REDIC1: variants seen among roughly 807,000 people sequenced by gnomAD.
REDIC1 encodes regulator of DNA class I crossover intermediates 1.
the REDIC1 span, chr12:39,764,384 C>T: frequency 1.6e-6 from 2 of 1,280,212 alleles, no homozygotes; most frequent in South Asian, 1.7e-5. Flanking sequence ...GTCTCAATCA[C>T]AAATGATATT....
the REDIC1 span, chr12:39,626,450 G>C: frequency 1.3e-6 from 2 of 1,531,210 alleles, no homozygotes; most frequent in Non-Finnish European, 1.8e-6. Flanking sequence ...GCCTTAGCTG[G>C]AAAGAACTTG....
At chr12:39,638,348 A>G in the REDIC1 span, among the ~76,000 whole-genome samples, 1 of 151,942 alleles carries the variant, frequency 6.6e-6, no homozygotes, top group Non-Finnish European at 1.5e-5. Context: ...AGGAGTGGAA[A>G]TGGTATAGTC....
chr12:39,905,822 G>GA, the REDIC1 span, among the ~76,000 whole-genome samples: 106 of 145,422 alleles, frequency 7.3e-4, 2 homozygotes, highest in African/African-American at 2.3e-3. Flanking sequence ...AAAATGCCCA[G>GA]AAAAAAAAAA....
chr12:39,764,424 A>C, the REDIC1 span: 1 of 1,497,770 alleles, frequency 6.7e-7, no homozygotes, highest in East Asian at 2.3e-5. Context: ...TGATAAAAAT[A>C]AAAACAAAAC....
At chr12:39,748,157 G>T in the REDIC1 span, among the ~76,000 whole-genome samples, 1 of 152,132 alleles carries the variant, frequency 6.6e-6, no homozygotes, top group Non-Finnish European at 1.5e-5. Context: ...AGACCCATCA[G>T]TGTGCTGTAT....
At chr12:39,764,124 T>C in the REDIC1 span, among the ~76,000 whole-genome samples, 1 of 152,068 alleles carries the variant, frequency 6.6e-6, no homozygotes, top group Non-Finnish European at 1.5e-5. Flanking sequence ...TTTACCATTT[T>C]CTGTTTTTTT....
At chr12:39,814,848 TA>T in the REDIC1 span, among the ~76,000 whole-genome samples, 5 of 152,094 alleles carry the variant, frequency 3.3e-5, no homozygotes, top group Non-Finnish European at 7.4e-5. Context: ...CAATTATGCA[TA>T]TTTCACAATA....
the REDIC1 span, among the ~76,000 whole-genome samples, chr12:39,869,700 C>T: frequency 6.6e-6 from 1 of 151,658 alleles, no homozygotes; most frequent in Non-Finnish European, 1.5e-5. Context: ...TCTGGAAATC[C>T]TTGGGCAGAA....
the REDIC1 span, among the ~76,000 whole-genome samples, chr12:39,774,795 A>G: frequency 6.6e-6 from 1 of 152,232 alleles, no homozygotes; most frequent in African/African-American, 2.4e-5. Context: ...TTATTTATCT[A>G]TAAATCATTG....
At chr12:39,649,745 C>G in the REDIC1 span, among the ~76,000 whole-genome samples, 1 of 151,882 alleles carries the variant, frequency 6.6e-6, no homozygotes, top group African/African-American at 2.4e-5. Context: ...TCCACATTAA[C>G]AAATTGATTA....
the REDIC1 span, among the ~76,000 whole-genome samples, chr12:39,886,590 G>T: frequency 6.6e-6 from 1 of 151,844 alleles, no homozygotes; most frequent in African/African-American, 2.4e-5. Flanking sequence ...GAATTAGGGA[G>T]ATATTTCTGA....
At chr12:39,773,826 C>T in the REDIC1 span, among the ~76,000 whole-genome samples, 189 of 152,280 alleles carry the variant, frequency 1.2e-3, 3 homozygotes, top group Middle Eastern at 6.8e-3. Flanking sequence ...TAGTTCCCTT[C>T]CCAAAGAGTT....
chr12:39,712,800 T>C, the REDIC1 span, among the ~76,000 whole-genome samples: 12 of 80,660 alleles, frequency 1.5e-4, no homozygotes, highest in South Asian at 1.1e-3. Context: ...TATGTATATA[T>C]GTGTATACTC....
the REDIC1 span, among the ~76,000 whole-genome samples, chr12:39,903,695 A>C: frequency 1.3e-5 from 2 of 152,090 alleles, no homozygotes; most frequent in South Asian, 2.1e-4. Context: ...ACCAGCAAAG[A>C]AGCAGCAGGC....
At chr12:39,766,312 A>G in the REDIC1 span, among the ~76,000 whole-genome samples, 1 of 152,132 alleles carries the variant, frequency 6.6e-6, no homozygotes. Context: ...TTGGTTTCCC[A>G]CTACATATAA....
the REDIC1 span, chr12:39,646,214 G>A: frequency 6.0e-6 from 2 of 331,924 alleles, no homozygotes; most frequent in South Asian, 1.3e-4. Flanking sequence ...GAATGTAAAT[G>A]TTTTAGTAAA....
At chr12:39,628,491 C>T in the REDIC1 span, among the ~76,000 whole-genome samples, 60 of 152,194 alleles carry the variant, frequency 3.9e-4, no homozygotes, top group East Asian at 9.1e-3. Context: ...TTTTTACCCC[C>T]CTCCATTGTT....
the REDIC1 span, among the ~76,000 whole-genome samples, chr12:39,808,464 T>C: frequency 9.9e-5 from 15 of 152,184 alleles, no homozygotes; most frequent in African/African-American, 3.4e-4. Context: ...AAATGTGTCA[T>C]AATTGAATTA....
the REDIC1 span, chr12:39,626,206 C>T: frequency 3.2e-6 from 3 of 928,854 alleles, no homozygotes; most frequent in South Asian, 3.1e-5. Context: ...GGCGGTGGAC[C>T]AGAAGGAGCT....
Sources: gnomAD v4.1 joint callset for allele counts (sites outside exome capture counted in the v4.1 genomes callset) on GRCh38, gnomAD v4.1.1 for gene constraint, MANE v1.5 for transcripts, NCBI Gene and HGNC (gene_info 2026-07-23, HGNC 2026-07-21) for gene names.